PREX1: variants seen among roughly 807,000 people sequenced by gnomAD.
PREX1 encodes the protein phosphatidylinositol 3,4,5-trisphosphate-dependent Rac exchanger 1 protein.
Under a neutral mutation model 198.3 loss-of-function variants are expected in PREX1, and 41 were observed. The ratio of observed to expected loss-of-function variants is 0.21; its 90% CI spans 0.16 to 0.27. PREX1 has a LOEUF of 0.27. PREX1 is among the 10% of genes least tolerant of loss of function. The probability of loss-of-function intolerance (pLI) is 1.00; values close to 1 mark genes in which losing one functional copy is unlikely to be tolerated. For synonymous variants in PREX1, 843 were observed against 887.2 expected (o/e 0.95, Z 0.89); for missense variants, 1,620 against 2,200.7 (o/e 0.74, Z 5.28).
intron 5 of PREX1, among the ~76,000 whole-genome samples, chr20:48,714,483 G>A (rs2089952805): frequency 6.6e-6 from 1 of 152,128 alleles, no homozygotes; most frequent in Non-Finnish European, 1.5e-5. Flanking sequence ...CTCCAAAGAA[G>A]ATACACAAAT....
intron 1 of PREX1, among the ~76,000 whole-genome samples, chr20:48,808,910 AG>A: frequency 6.6e-6 from 1 of 152,318 alleles, no homozygotes; most frequent in South Asian, 2.1e-4. Flanking sequence ...CACCCCTAGA[AG>A]GGGCAGAGCC....
intron 29 of PREX1, among the ~76,000 whole-genome samples, chr20:48,640,734 G>A (rs970038492): frequency 1.3e-5 from 2 of 151,210 alleles, no homozygotes; most frequent in African/African-American, 4.9e-5. Flanking sequence ...TTTACTGGAT[G>A]TACAGAAGCA....
rs186932537 is a variant in PREX1 at position 48,737,645 on chromosome 20, T to C, written c.415-2995A>G. ...ATGACCCAGACAAAACCAATCAGAG[T>C]TCCCCGTCCTAATAACAGTGGCCAT... On this transcript the variant is annotated intron_variant, in intron 3 of 39. Coordinates refer to ENST00000371941, the MANE Select transcript of PREX1 (RefSeq NM_020820.4). Among the ~76,000 whole-genome samples the C allele has an allele frequency of 4.4e-3, 663 of 152,188 alleles. 6 individuals carry two copies. The highest frequency in any genetic ancestry group is 0.015 in the African/African-American group (630 of 41,524).
chr20:48,707,241 A>G (rs890936428), intron 6 of PREX1, among the ~76,000 whole-genome samples: 2 of 152,140 alleles, frequency 1.3e-5, no homozygotes, highest in African/African-American at 4.8e-5. Context: ...GCTGGATCTG[A>G]TCTTGGCCAG....
At chr20:48,726,656 G>T (rs2090011681) in intron 4 of PREX1, among the ~76,000 whole-genome samples, 1 of 152,170 alleles carries the variant, frequency 6.6e-6, no homozygotes, top group South Asian at 2.1e-4. Flanking sequence ...AGCTACAACG[G>T]CAGAGCTGAG....
chr20:48,703,813 G>T (rs1352890249), intron 6 of PREX1, among the ~76,000 whole-genome samples: 1 of 152,146 alleles, frequency 6.6e-6, no homozygotes, highest in African/African-American at 2.4e-5. Flanking sequence ...GCACACTACA[G>T]GGGGATACCC....
At chr20:48,753,715 A>G (rs2090144217) in intron 1 of PREX1, among the ~76,000 whole-genome samples, 2 of 152,106 alleles carry the variant, frequency 1.3e-5, no homozygotes, top group South Asian at 4.1e-4. Flanking sequence ...TGTTTCTTGA[A>G]CACACCAGGC....
At position 48,666,529 on chromosome 20, in the gene PREX1, TATTATTA is replaced by T. The variant is rs1160162103; in HGVS notation, c.1666-181_1666-175del. On this transcript the variant is annotated intron_variant, in intron 14 of 39. Coordinates refer to ENST00000371941, the MANE Select transcript of PREX1 (RefSeq NM_020820.4). The surrounding 1 kb of genome is among the most constrained non-coding windows in gnomAD (Gnocchi z 4.3). ...GTTTGTGATTATTATTTTTTATTATTATTATTATTTTTTTGAGACAGAGTCTCACTCT... is the reference window on the plus strand; with the variant it reads ...GTTTGTGATTATTATTTTTTATTATTTTTTTTTGAGACAGAGTCTCACTCT... Among the ~76,000 whole-genome samples the T allele has an allele frequency of 1.3e-5, 2 of 152,066 alleles. No individual in the cohort carries two copies. Among genetic ancestry groups the T allele is most frequent in the African/African-American group, 2.4e-5 (1 of 41,398 alleles).
At chr20:48,663,451 T>C (rs533954102) in intron 15 of PREX1, among the ~76,000 whole-genome samples, 27 of 152,190 alleles carry the variant, frequency 1.8e-4, no homozygotes, top group African/African-American at 5.8e-4. Context: ...CACTTGAACC[T>C]GGGAGGCGGA....
rs558477738 is a variant in PREX1 at position 48,659,837 on chromosome 20, T to G, written c.1881+82A>C. ...ACTCCAAGCTGAGCCCCCTTCCCTGTGCATAACCAGAAGGTCGCCCAGCTC... is the reference window on the plus strand; with the variant it reads ...ACTCCAAGCTGAGCCCCCTTCCCTGGGCATAACCAGAAGGTCGCCCAGCTC... On this transcript the variant is annotated intron_variant, in intron 16 of 39. Coordinates refer to ENST00000371941, the MANE Select transcript of PREX1 (RefSeq NM_020820.4). 4.6e-4 allele frequency: 724 copies of G among 1,587,610 alleles called. 10 individuals carry two copies. In the South Asian group the frequency reaches 6.4e-3, roughly 14 times the overall value.
chr20:48,758,331 G>C (rs1248884108), intron 1 of PREX1, among the ~76,000 whole-genome samples: 1 of 152,238 alleles, frequency 6.6e-6, no homozygotes, highest in South Asian at 2.1e-4. Flanking sequence ...GAAAGTGACA[G>C]AGCAGCTCAG....
the PREX1 span, among the ~76,000 whole-genome samples, chr20:48,885,824 G>A: frequency 1.4e-4 from 21 of 152,268 alleles, no homozygotes; most frequent in South Asian, 2.9e-3. Flanking sequence ...GCTACATCCT[G>A]TCTGATTTCA....
the PREX1 span, among the ~76,000 whole-genome samples, chr20:48,840,860 T>C: frequency 2.0e-5 from 3 of 152,260 alleles, no homozygotes; most frequent in Admixed American, 6.5e-5. Flanking sequence ...TCTTACACTG[T>C]AGCCCAGGCT....
intron 1 of PREX1, among the ~76,000 whole-genome samples, chr20:48,750,933 C>T (rs2090131407): frequency 6.6e-6 from 1 of 152,150 alleles, no homozygotes; most frequent in East Asian, 1.9e-4. Flanking sequence ...CTCTCTAAGT[C>T]TTCATTTACT....
At chr20:48,780,248 T>C (rs1308417032) in intron 1 of PREX1, among the ~76,000 whole-genome samples, 1 of 152,166 alleles carries the variant, frequency 6.6e-6, no homozygotes, top group African/African-American at 2.4e-5. Flanking sequence ...AAAGAACTGG[T>C]TGATTTCAGG....
the PREX1 span, among the ~76,000 whole-genome samples, chr20:48,847,182 C>T: frequency 2.6e-5 from 4 of 151,982 alleles, no homozygotes; most frequent in Admixed American, 1.3e-4. Flanking sequence ...GCTCTAGGCT[C>T]TCAGAGAATA....
At chr20:48,632,660 G>A in intron 33 of PREX1, 21 bp from the exon 34 acceptor site, 3 of 1,612,844 alleles carry the variant, frequency 1.9e-6, no homozygotes, top group African/African-American at 1.3e-5. Flanking sequence ...ATATGGGGCA[G>A]GATGACTCAC....
intron 1 of PREX1, among the ~76,000 whole-genome samples, chr20:48,766,695 A>G (rs1026962313): frequency 3.3e-5 from 5 of 152,156 alleles, no homozygotes; most frequent in African/African-American, 1.2e-4. Flanking sequence ...CCATGACTAT[A>G]ACTTAACCTT....
At chr20:48,838,993 C>CAAAAAA in the PREX1 span, among the ~76,000 whole-genome samples, 9 of 23,042 alleles carry the variant, frequency 3.9e-4, no homozygotes, top group African/African-American at 1.3e-3. Flanking sequence ...GACTCTGTCT[C>CAAAAAA]AAAAAAAAAA....
Sources: allele counts gnomAD v4.1 joint callset (sites outside exome capture counted in the v4.1 genomes callset), GRCh38; gene constraint gnomAD v4.1.1; non-coding constraint Gnocchi (gnomAD v3.1); transcripts MANE v1.5; gene names NCBI Gene and HGNC (gene_info 2026-07-23, HGNC 2026-07-21).